The following SMIM14 variants were observed in gnomAD, a reference collection of about 807,000 sequenced individuals.
SMIM14 encodes chromosome 4 open reading frame 34.
A neutral mutation model predicts 12.6 loss-of-function variants in SMIM14; 5 were observed. That is an observed-to-expected ratio of 0.40 (90% CI 0.21 to 0.83). The LOEUF (loss-of-function observed/expected upper bound fraction) is 0.83. SMIM14 is among the 40% of genes least tolerant of loss of function. The pLI, the probability that SMIM14 is intolerant of heterozygous loss-of-function variation, is 0.37. For synonymous variants in SMIM14, 30 were observed against 40.1 expected, an observed-to-expected ratio of 0.75 and a Z score of 0.95; for missense variants, 86 against 119.1, an observed-to-expected ratio of 0.72 and a Z score of 1.29.
At chr4:39,575,079 G>GTT (rs372419357) in intron 2 of SMIM14, among the ~76,000 whole-genome samples, 21,167 of 125,176 alleles carry the variant, frequency 0.17, 2,288 homozygotes, top group South Asian at 0.39. Context: ...CGAGAAAATA[G>GTT]TTTTTTTTTT....
At chr4:39,618,917 G>A (rs981534958) in intron 1 of SMIM14, among the ~76,000 whole-genome samples, 1 of 151,912 alleles carries the variant, frequency 6.6e-6, no homozygotes, top group Non-Finnish European at 1.5e-5. Flanking sequence ...GCATTATGGA[G>A]TAGAGATTTG....
intron 1 of SMIM14, among the ~76,000 whole-genome samples, chr4:39,609,034 T>C (rs1714919006): frequency 6.6e-6 from 1 of 152,192 alleles, no homozygotes; most frequent in Non-Finnish European, 1.5e-5. Flanking sequence ...TGGAGTGCAG[T>C]GTCATGATCT....
chr4:39,635,179 G>T (rs777525206), intron 1 of SMIM14, among the ~76,000 whole-genome samples: 1 of 152,126 alleles, frequency 6.6e-6, no homozygotes, highest in Non-Finnish European at 1.5e-5. Flanking sequence ...AAATGCAAAG[G>T]CCCTACAGCA....
At chr4:39,620,169 T>C (rs961434235) in intron 1 of SMIM14, among the ~76,000 whole-genome samples, 17 of 145,956 alleles carry the variant, frequency 1.2e-4, no homozygotes, top group East Asian at 8.1e-4. Context: ...CAAGATCCCA[T>C]CTCTATTAAG....
chr4:39,633,319 A>C (rs1715979419), intron 1 of SMIM14, among the ~76,000 whole-genome samples: 1 of 152,122 alleles, frequency 6.6e-6, no homozygotes, highest in African/African-American at 2.4e-5. Context: ...GAAGTCTTTA[A>C]TATAGCTTCT....
At chr4:39,569,202 T>C (rs955228794) in intron 3 of SMIM14, among the ~76,000 whole-genome samples, 3 of 152,194 alleles carry the variant, frequency 2.0e-5, no homozygotes, top group African/African-American at 7.2e-5. Flanking sequence ...GTCCTAACAA[T>C]GCACATTTCT....
intron 4 of SMIM14, among the ~76,000 whole-genome samples, chr4:39,554,793 A>G (rs1711921150): frequency 6.6e-6 from 1 of 150,856 alleles, no homozygotes; most frequent in Non-Finnish European, 1.5e-5. Flanking sequence ...ATACATTTGT[A>G]GAATGGCTAA....
intron 1 of SMIM14, 149 bp from the exon 2 acceptor site, chr4:39,605,329 T>C: frequency 1.9e-6 from 1 of 513,428 alleles, no homozygotes; most frequent in Non-Finnish European, 3.4e-6. Flanking sequence ...TAATTTATTA[T>C]TAATCTTATA....
rs370714047 is a variant in SMIM14, at chr4:39,631,653, C to A, written c.-36+7086G>T. 1.1e-3 allele frequency among the ~76,000 whole-genome samples: 130 copies of A among 115,132 alleles called. 1 individual carries two copies. The highest frequency in any genetic ancestry group is 3.8e-3 in the African/African-American group (125 of 32,542). The allele number at this position is 115,132 out of a possible 152,430, so 75.5% of individuals were successfully genotyped here. The stretch of plus-strand genomic sequence containing the variant: ...TAGCCTGGGCCACAGAGCGAGACTC[C>A]GTCTCAAAAAAAAAAAAAAATAAAT... On this transcript the variant is annotated intron_variant, in intron 1 of 4. Transcript: ENST00000295958.
At chr4:39,571,384 T>C (rs954325355) in intron 3 of SMIM14, among the ~76,000 whole-genome samples, 1 of 151,768 alleles carries the variant, frequency 6.6e-6, no homozygotes, top group Admixed American at 6.6e-5. Flanking sequence ...TTAAGACCCA[T>C]GTGGGCAACA....
intron 2 of SMIM14, among the ~76,000 whole-genome samples, chr4:39,598,877 A>G (rs1033334776): frequency 1.4e-5 from 2 of 141,312 alleles, no homozygotes; most frequent in African/African-American, 5.2e-5. Context: ...CAACTAAGCC[A>G]GCTCCCTGTA....
chr4:39,560,309 G>A (rs1402583947), intron 3 of SMIM14, among the ~76,000 whole-genome samples: 11 of 145,996 alleles, frequency 7.5e-5, no homozygotes, highest in African/African-American at 2.1e-4. Context: ...GTGCAGTGGC[G>A]CGATCTCCGC....
At chr4:39,612,708 C>G (rs549480270) in intron 1 of SMIM14, among the ~76,000 whole-genome samples, 1 of 152,346 alleles carries the variant, frequency 6.6e-6, no homozygotes, top group East Asian at 1.9e-4. Context: ...TCCAGCAATC[C>G]TTCCACTTCA....
intron 2 of SMIM14, among the ~76,000 whole-genome samples, chr4:39,598,473 T>C (rs926365831): frequency 1.3e-5 from 2 of 152,138 alleles, no homozygotes; most frequent in African/African-American, 4.8e-5. Context: ...ACTTCTTGAT[T>C]TTTCCATGTT....
chr4:39,583,551 C>T (rs1713623519), intron 2 of SMIM14, among the ~76,000 whole-genome samples: 1 of 151,946 alleles, frequency 6.6e-6, no homozygotes, highest in Non-Finnish European at 1.5e-5. Context: ...ACATAAAGCC[C>T]CTATAAAAAT....
At chr4:39,570,445 C>A (rs1372911260) in intron 3 of SMIM14, among the ~76,000 whole-genome samples, 1 of 152,166 alleles carries the variant, frequency 6.6e-6, no homozygotes, top group African/African-American at 2.4e-5. Context: ...AGGCGTGAGC[C>A]ACCGTGCCCG....
At chr4:39,587,936 C>T (rs1338253460) in intron 2 of SMIM14, 2 of 152,368 alleles carry the variant, frequency 1.3e-5, no homozygotes, top group African/African-American at 4.8e-5. Flanking sequence ...GGATGTTCTC[C>T]CTTGGAACCA....
At chr4:39,583,110 A>G (rs1434152902) in intron 2 of SMIM14, among the ~76,000 whole-genome samples, 1 of 151,812 alleles carries the variant, frequency 6.6e-6, no homozygotes, top group South Asian at 2.1e-4. Flanking sequence ...TTTTTAAGAG[A>G]CAGGGTGTCA....
chr4:39,576,658 GTGTATATATATATA>G (rs1453253356), intron 2 of SMIM14, among the ~76,000 whole-genome samples: 3 of 40,420 alleles, frequency 7.4e-5, no homozygotes, highest in Admixed American at 4.6e-4. Context: ...GTGTGTGTAT[GTGTATATATATATA>G]TATATATATA....
Sources: allele counts gnomAD v4.1 joint callset (sites outside exome capture counted in the v4.1 genomes callset), GRCh38; gene constraint gnomAD v4.1.1; transcripts MANE v1.5; gene names NCBI Gene and HGNC (gene_info 2026-07-23, HGNC 2026-07-21).